Variants in MID1 observed in about 807,000 individuals in gnomAD.
MID1 encodes the protein midline 1.
MID1 carries 7 observed loss-of-function variants against 40.4 expected under a neutral mutation model. The observed-to-expected ratio is 0.17, with a 90% CI of 0.10 to 0.33. MID1 has a LOEUF of 0.33. Ranked by LOEUF, MID1 falls within the 10% of genes least tolerant of loss-of-function variation. The probability of loss-of-function intolerance (pLI) is 1.00; values close to 1 mark genes in which losing one functional copy is unlikely to be tolerated. For missense variants in MID1, 367 were observed against 558.5 expected, an observed-to-expected ratio of 0.66 and a Z score of 3.46; for synonymous variants, 229 against 221.2, an observed-to-expected ratio of 1.04 and a Z score of -0.31.
intron 5 of MID1, among the ~76,000 whole-genome samples, chrX:10,482,207 C>A (rs142456849): frequency 1.8e-5 from 2 of 111,781 alleles, no homozygotes; most frequent in Admixed American, 1.9e-4. Flanking sequence ...TAAGCTCCCC[C>A]CTCGTCCAAA....
intron 1 of MID1, among the ~76,000 whole-genome samples, chrX:10,650,252 G>T (rs1421713196): frequency 9.1e-6 from 1 of 110,312 alleles, no homozygotes; most frequent in Admixed American, 9.7e-5. Flanking sequence ...TGAGTATTTC[G>T]AATTAAAGGC....
intron 7 of MID1, among the ~76,000 whole-genome samples, chrX:10,467,479 T>C (rs5934908): frequency 0.42 from 45,994 of 110,647 alleles, 8,262 homozygotes; most frequent in African/African-American, 0.7. Context: ...CGCAGAGAAG[T>C]CTTCCTGGAA....
chrX:10,509,925 G>T (rs1932029978), intron 3 of MID1, among the ~76,000 whole-genome samples: 1 of 112,082 alleles, frequency 8.9e-6, no homozygotes, highest in African/African-American at 3.2e-5. Flanking sequence ...AACCAACTAG[G>T]AGAAGGAATA....
chrX:10,608,783 C>T (rs1255967503), intron 1 of MID1, among the ~76,000 whole-genome samples: 1 of 112,127 alleles, frequency 8.9e-6, no homozygotes, highest in Non-Finnish European at 1.9e-5. Flanking sequence ...CAGCCCTCAG[C>T]ACCATGCCCT....
chrX:10,706,417 T>C (rs1480528978), intron 1 of MID1, among the ~76,000 whole-genome samples: 3 of 110,862 alleles, frequency 2.7e-5, no homozygotes, highest in Non-Finnish European at 1.9e-5. Flanking sequence ...AATCCCCACA[T>C]GTCATGGGAG....
intron 1 of MID1, among the ~76,000 whole-genome samples, chrX:10,730,517 C>T (rs1268902269): frequency 9.2e-6 from 1 of 109,230 alleles, no homozygotes; most frequent in African/African-American, 3.3e-5. Context: ...CAAATAGTAT[C>T]CCATCACTCA....
intron 2 of MID1, among the ~76,000 whole-genome samples, chrX:10,544,952 GTTTGT>G (rs926018235): frequency 2.7e-5 from 3 of 111,723 alleles, no homozygotes; most frequent in Non-Finnish European, 5.6e-5. Context: ...TTGTTTGTTT[GTTTGT>G]TTTGTTTTGT....
At chrX:10,678,896 T>G (rs2043040456) in intron 1 of MID1, among the ~76,000 whole-genome samples, 1 of 111,640 alleles carries the variant, frequency 9.0e-6, no homozygotes, top group South Asian at 3.8e-4. Context: ...TTGATGAGGC[T>G]CTGGGGAAAT....
intron 1 of MID1, among the ~76,000 whole-genome samples, chrX:10,797,538 C>G (rs2043975219): frequency 8.9e-6 from 1 of 111,828 alleles, no homozygotes; most frequent in African/African-American, 3.3e-5. Context: ...GAAGCCAGCC[C>G]TGTCCCAGCA....
intron 1 of MID1, among the ~76,000 whole-genome samples, chrX:10,713,272 T>C (rs1423339897): frequency 2.7e-5 from 3 of 111,441 alleles, no homozygotes; most frequent in Non-Finnish European, 5.7e-5. Flanking sequence ...ACCACTGCTT[T>C]AGCTGAAAAG....
In MID1 at chrX:10,762,887, C is replaced by A. The variant is rs1168446961; in HGVS notation, c.-187+70667G>T. On this transcript the variant is annotated intron_variant, in intron 1 of 10. Transcript: ENST00000380785. ...ATGCTTCCTAATTTAAACCCATGAT[C>A]CACTGTGTAGGAAGCAATGACAACA... Among the ~76,000 whole-genome samples, 3 of 112,217 alleles carry A rather than the reference C, an allele frequency of 2.7e-5. No individual in the cohort carries two copies. The South Asian group carries it at 1.1e-3, about 41-fold the overall frequency.
At chrX:10,782,706 A>T (rs978673140) in intron 1 of MID1, among the ~76,000 whole-genome samples, 12 of 112,350 alleles carry the variant, frequency 1.1e-4, no homozygotes, top group Non-Finnish European at 1.3e-4. Flanking sequence ...TAGTTTTAAA[A>T]TTTTGTAGCT....
At chrX:10,697,697 T>C (rs1191339104) in intron 1 of MID1, among the ~76,000 whole-genome samples, 1 of 111,730 alleles carries the variant, frequency 9.0e-6, no homozygotes, top group Admixed American at 9.5e-5. Context: ...CAGTGGTGGT[T>C]TGTTTTTGGA....
chrX:10,617,550 T>TC (rs1333519210), intron 1 of MID1, among the ~76,000 whole-genome samples: 1 of 112,250 alleles, frequency 8.9e-6, no homozygotes, highest in African/African-American at 3.2e-5. Flanking sequence ...GAGTTTTTTT[T>TC]CTAAAGTTAT....
At chrX:10,771,858 C>T (rs2043773153) in intron 1 of MID1, among the ~76,000 whole-genome samples, 1 of 109,456 alleles carries the variant, frequency 9.1e-6, no homozygotes, top group South Asian at 4.0e-4. Context: ...GTATATTAAG[C>T]AATCCAAAAA....
intron 1 of MID1, among the ~76,000 whole-genome samples, chrX:10,593,437 A>G (rs1340187183): frequency 2.7e-5 from 3 of 111,501 alleles, no homozygotes; most frequent in African/African-American, 9.8e-5. Flanking sequence ...TGGGCTCCCC[A>G]TTCCAATTTC....
At chrX:10,572,456 C>A (rs1934763973) in intron 1 of MID1, among the ~76,000 whole-genome samples, 1 of 109,831 alleles carries the variant, frequency 9.1e-6, no homozygotes, top group Admixed American at 9.7e-5. Context: ...GAGGCTGAGG[C>A]AGGAGAATCA....
intron 1 of MID1, among the ~76,000 whole-genome samples, chrX:10,718,631 A>G (rs755806590): frequency 4.2e-4 from 47 of 111,706 alleles, no homozygotes; most frequent in African/African-American, 1.4e-3. Flanking sequence ...AGGAGGAGCT[A>G]GTACCATTCC....
In MID1 at chrX:10,454,986, G is replaced by A. The variant is rs753053604; in HGVS notation, c.1539C>T (p.Ser513=). The A allele has an allele frequency of 2.3e-5, 28 of 1,207,124 alleles. No homozygotes were observed. In the Middle Eastern group the frequency reaches 9.2e-4, roughly 39 times the overall value. The change falls in exon 9 of 10, where the codon TCC becomes TCT. Residue 513 remains serine, a synonymous_variant. Transcript: ENST00000317552. Reference sequence around the variant, plus strand: ...AGCGTTCAGGTGTGTGACTCTTCTTGGATGATGACTCATCACGTTCTACTG... The same window carrying A: ...AGCGTTCAGGTGTGTGACTCTTCTTAGATGATGACTCATCACGTTCTACTG... ...NLTVERDESS[S]KKSHTPERFT... is the part of the protein sequence containing the mutation.
Sources: gnomAD v4.1 joint callset for allele counts (sites outside exome capture counted in the v4.1 genomes callset) on GRCh38, gnomAD v4.1.1 for gene constraint, MANE v1.5 for transcripts, NCBI Gene and HGNC (gene_info 2026-07-23, HGNC 2026-07-21) for gene names.